ATP10D: variants seen among roughly 807,000 people sequenced by gnomAD.
ATP10D encodes phospholipid-transporting ATPase VD.
Under a neutral mutation model 144.8 loss-of-function variants are expected in ATP10D, and 89 were observed. The observed-to-expected ratio is 0.61, with a 90% CI of 0.52 to 0.73. The LOEUF is 0.73. Ranked by LOEUF, ATP10D falls within the 30% of genes least tolerant of loss-of-function variation. ATP10D has a pLI of 0.00. For missense variants in ATP10D, 1,603 were observed against 1,714.8 expected (o/e 0.93, Z 1.15); for synonymous variants, 571 against 615.1 (o/e 0.93, Z 1.06).
At chr4:47,572,822 T>C (rs777973008) in intron 17 of ATP10D, 50 bp from the exon 18 acceptor site, 40 of 1,612,832 alleles carry the variant, frequency 2.5e-5, no homozygotes, top group Non-Finnish European at 3.1e-5. Flanking sequence ...GTGTCTGTTC[T>C]AACATGTTTG....
intron 16 of ATP10D, among the ~76,000 whole-genome samples, chr4:47,570,127 T>C (rs778980369): frequency 3.9e-5 from 6 of 152,132 alleles, no homozygotes; most frequent in Non-Finnish European, 4.4e-5. Flanking sequence ...TGCAAAGACA[T>C]ATGAAATCAG....
chr4:47,497,413 C>T (rs1715445137), intron 1 of ATP10D, among the ~76,000 whole-genome samples: 1 of 152,008 alleles, frequency 6.6e-6, no homozygotes, highest in African/African-American at 2.4e-5. Flanking sequence ...TGAGATTGCG[C>T]CGTTGCACTC....
intron 21 of ATP10D, among the ~76,000 whole-genome samples, chr4:47,586,518 A>C (rs745570534): frequency 5.9e-5 from 9 of 152,194 alleles, no homozygotes; most frequent in Non-Finnish European, 1.2e-4. Context: ...TTTATTAGTC[A>C]AAGCAAGACA....
chr4:47,542,346 C>G (rs1718179720), intron 9 of ATP10D, among the ~76,000 whole-genome samples: 1 of 152,102 alleles, frequency 6.6e-6, no homozygotes. Flanking sequence ...ATCTGCCAGC[C>G]TCGGCCTCCC....
rs1227461430 is a variant in ATP10D, at chr4:47,563,732, T to A, written c.2820T>A (p.Asp940Glu). ...ATGCATGCAAACTACTGGAGCCAGA[T>A]GACAAGCTTTTTATCCTCAATACCC... ...IAYACKLLEPDDKLFILNTQS... is the reference protein window; with the variant it reads ...IAYACKLLEPEDKLFILNTQS... Residue 940 changes from aspartate (D) to glutamate (E), a missense_variant, in exon 15 of 23, where the codon GAT becomes GAA. Transcript: ENST00000273859. 3 of 1,610,966 alleles carry A rather than the reference T, an allele frequency of 1.9e-6. No homozygotes were observed. The highest frequency in any genetic ancestry group is 1.7e-6 in the Non-Finnish European group (2 of 1,179,012).
intron 19 of ATP10D, among the ~76,000 whole-genome samples, chr4:47,577,546 C>T (rs1577703874): frequency 1.3e-5 from 2 of 152,152 alleles, no homozygotes; most frequent in African/African-American, 4.8e-5. Context: ...TAATACGGTA[C>T]AACTTCCAGC....
At chr4:47,589,004 A>G (rs1176483599) in intron 22 of ATP10D, among the ~76,000 whole-genome samples, 1 of 152,138 alleles carries the variant, frequency 6.6e-6, no homozygotes, top group Non-Finnish European at 1.5e-5. Context: ...AGACAAAGAG[A>G]TTAGTTATCC....
At chr4:47,497,253 C>T (rs1006102057) in intron 1 of ATP10D, among the ~76,000 whole-genome samples, 7 of 152,086 alleles carry the variant, frequency 4.6e-5, no homozygotes, top group African/African-American at 1.2e-4. Context: ...GTCAGGAGTT[C>T]GAGACCAGCC....
Position 47,512,716 on chromosome 4 carries a change from C to T in ATP10D, c.176C>T (p.Pro59Leu). The T allele has an allele frequency of 6.2e-7, 1 of 1,614,180 alleles. No individual in the cohort carries two copies. Among genetic ancestry groups the T allele is most frequent in the African/African-American group, 1.3e-5 (1 of 75,048 alleles). The change falls in exon 2 of 23, where the codon CCC (proline) becomes CTC (leucine). Residue 59 changes from proline (P) to leucine (L), a missense_variant. Physicochemically the swap from Pro to Leu is moderately conservative, Grantham distance 98. Coordinates refer to ENST00000273859, the MANE Select transcript of ATP10D (RefSeq NM_020453.4). ...CGGATTGTTGTTCCCCACATCCAGC[C>T]CTTCAAGGATGAGTATGAGAAGTTC... Reference protein sequence around the residue: ...RHRIVVPHIQPFKDEYEKFSG... With the variant: ...RHRIVVPHIQLFKDEYEKFSG...
Position 47,522,782 on chromosome 4 carries a change from T to A in ATP10D, c.486-230T>A, listed in dbSNP as rs201027468. ...CAGGGTTTCACCATGTTGGCCAGGCTGGTCTGGAACTCCTGACCTCAGGCG... is the reference window on the plus strand; with the variant it reads ...CAGGGTTTCACCATGTTGGCCAGGCAGGTCTGGAACTCCTGACCTCAGGCG... On this transcript the variant is annotated intron_variant, in intron 3 of 22. Coordinates refer to ENST00000273859, the MANE Select transcript of ATP10D (RefSeq NM_020453.4). 3.3e-5 allele frequency among the ~76,000 whole-genome samples: 5 copies of A among 152,302 alleles called. No individual in the cohort carries two copies. In the East Asian group the frequency reaches 9.7e-4, roughly 29 times the overall value.
chr4:47,510,584 G>A (rs756736309), intron 1 of ATP10D, among the ~76,000 whole-genome samples: 2 of 152,164 alleles, frequency 1.3e-5, no homozygotes, highest in Non-Finnish European at 2.9e-5. Flanking sequence ...TGTCTGGGTT[G>A]TGGAATAAAA....
At chr4:47,495,366 C>G (rs1003057206) in intron 1 of ATP10D, among the ~76,000 whole-genome samples, 2 of 151,900 alleles carry the variant, frequency 1.3e-5, no homozygotes, top group Admixed American at 6.6e-5. Context: ...ACCTCTTTTC[C>G]ACATCTTAAA....
intron 1 of ATP10D, among the ~76,000 whole-genome samples, chr4:47,509,943 G>GGTGTGTGTGT (rs67386792): frequency 4.2e-5 from 6 of 143,816 alleles, no homozygotes; most frequent in African/African-American, 1.3e-4. Flanking sequence ...TTGTTTCAGG[G>GGTGTGTGTGT]GTGTGTGTGT....
At chr4:47,532,709 T>C (rs562142957) in intron 5 of ATP10D, among the ~76,000 whole-genome samples, 2 of 152,222 alleles carry the variant, frequency 1.3e-5, no homozygotes, top group African/African-American at 4.8e-5. Flanking sequence ...TCTTTGATCT[T>C]CATGCTCTAA....
At chr4:47,542,589 T>C (rs1171163443) in intron 9 of ATP10D, among the ~76,000 whole-genome samples, 3 of 152,100 alleles carry the variant, frequency 2.0e-5, no homozygotes, top group Non-Finnish European at 4.4e-5. Context: ...GCAGCTCTCC[T>C]GCCTCAGCCT....
chr4:47,509,492 A>T (rs141833510), intron 1 of ATP10D, among the ~76,000 whole-genome samples: 51 of 152,324 alleles, frequency 3.3e-4, no homozygotes, highest in South Asian at 1.2e-3. Flanking sequence ...GTATTGTGGA[A>T]TGGCTAGCTC....
At chr4:47,527,268 C>T (rs541362495) in intron 5 of ATP10D, among the ~76,000 whole-genome samples, 1 of 152,160 alleles carries the variant, frequency 6.6e-6, no homozygotes, top group African/African-American at 2.4e-5. Context: ...AACGTGAACT[C>T]CAATCCATAC....
intron 1 of ATP10D, among the ~76,000 whole-genome samples, chr4:47,507,329 A>G (rs1716070466): frequency 6.6e-6 from 1 of 152,134 alleles, no homozygotes; most frequent in Non-Finnish European, 1.5e-5. Flanking sequence ...AAAGCTGGCA[A>G]ATTGGGGTGC....
At position 47,491,180 on chromosome 4, in the gene ATP10D, T is replaced by G. The variant is rs1715057683; in HGVS notation, c.-38+5661T>G. 2.1e-5 allele frequency: 16 copies of G among 747,396 alleles called. No homozygotes were observed. The South Asian group carries it at 2.2e-4, about 10-fold the overall frequency. The allele number at this position is 747,396 out of a possible 1,614,324, so 46.3% of individuals were successfully genotyped here. ...GTATCTCGCCTATTAGAGTGCTTAA[T>G]GTGCTCAATATGCACATTAATTCTC... is the stretch of plus-strand genomic sequence containing the variant. On this transcript the variant is annotated intron_variant, in intron 1 of 22. Transcript: ENST00000273859.
Sources: allele counts gnomAD v4.1 joint callset (sites outside exome capture counted in the v4.1 genomes callset), GRCh38; gene constraint gnomAD v4.1.1; transcripts MANE v1.5; gene names NCBI Gene and HGNC (gene_info 2026-07-23, HGNC 2026-07-21).